ST8SIA1: variants seen among roughly 807,000 people sequenced by gnomAD.
The protein encoded by ST8SIA1 is ST8 alpha-N-acetyl-neuraminide alpha-2,8-sialyltransferase 1, also known as alpha-N-acetylneuraminide alpha-2,8-sialyltransferase.
A neutral mutation model predicts 35.9 loss-of-function variants in ST8SIA1; 16 were observed. The ratio of observed to expected loss-of-function variants is 0.45; its 90% CI spans 0.30 to 0.68. The LOEUF is 0.68. ST8SIA1 is among the 30% of genes least tolerant of loss of function. ST8SIA1 has a pLI of 0.09. For synonymous variants in ST8SIA1, 170 were observed against 169.6 expected, an observed-to-expected ratio of 1.00 and a Z score of -0.02; for missense variants, 383 against 453.6, an observed-to-expected ratio of 0.84 and a Z score of 1.41.
intron 3 of ST8SIA1, among the ~76,000 whole-genome samples, chr12:22,249,521 G>A (rs1172870400): frequency 6.6e-6 from 1 of 150,900 alleles, no homozygotes; most frequent in Non-Finnish European, 1.5e-5. Context: ...CACCCAGCCA[G>A]TAACTGTTTT....
intron 4 of ST8SIA1, among the ~76,000 whole-genome samples, chr12:22,225,343 C>T (rs1212985503): frequency 1.3e-5 from 2 of 151,916 alleles, no homozygotes; most frequent in Non-Finnish European, 2.9e-5. Context: ...AGGTCCAGAT[C>T]CTAATTATTA....
rs555886710 is a variant in ST8SIA1 at position 22,268,217 on chromosome 12, C to T, written c.382-12828G>A. Among the ~76,000 whole-genome samples, 326 of 152,328 alleles carry T rather than the reference C, an allele frequency of 2.1e-3. 1 individual carries two copies. The highest frequency in any genetic ancestry group is 2.1e-3 in the Non-Finnish European group (140 of 68,032). The stretch of plus-strand genomic sequence containing the variant: ...TGCCAAGAATCTATCTAAGCAAATG[C>T]AGCAAACCTGTTCCCTTTTTCAGAC... On this transcript the variant is annotated intron_variant, in intron 2 of 4. Transcript: ENST00000396037.
chr12:22,239,349 C>T (rs1281157045), intron 4 of ST8SIA1, among the ~76,000 whole-genome samples: 2 of 152,118 alleles, frequency 1.3e-5, no homozygotes, highest in East Asian at 3.8e-4. Context: ...TTCTATCGTC[C>T]ATGTTTCTTT....
At chr12:22,232,894 A>G (rs1865435429) in intron 4 of ST8SIA1, among the ~76,000 whole-genome samples, 1 of 152,202 alleles carries the variant, frequency 6.6e-6, no homozygotes, top group African/African-American at 2.4e-5. Flanking sequence ...AACAGCATTG[A>G]CTTGGAAACT....
intron 4 of ST8SIA1, among the ~76,000 whole-genome samples, chr12:22,244,772 C>T (rs1413799634): frequency 6.6e-6 from 1 of 152,144 alleles, no homozygotes; most frequent in African/African-American, 2.4e-5. Context: ...TAGGTCTTAA[C>T]CACCTGAAAA....
At chr12:22,291,463 T>C (rs945317307) in intron 1 of ST8SIA1, among the ~76,000 whole-genome samples, 4 of 152,258 alleles carry the variant, frequency 2.6e-5, no homozygotes, top group Non-Finnish European at 5.9e-5. Flanking sequence ...TGTAGCTATT[T>C]AGACTTAGCT....
Position 22,201,222 on chromosome 12 carries a change from T to C in ST8SIA1, c.*330A>G, listed in dbSNP as rs1591822034. The stretch of plus-strand genomic sequence containing the variant: ...AACATTTTCTTTGTTCTACCTTGAT[T>C]GGTTCCTCAGCCCTAACAACTCGAG... On this transcript the variant is annotated 3_prime_UTR_variant, in exon 5 of 5. Coordinates refer to ENST00000396037, the MANE Select transcript of ST8SIA1 (RefSeq NM_003034.4). 2 of 211,552 alleles carry C rather than the reference T, an allele frequency of 9.5e-6. No homozygotes were observed. Among genetic ancestry groups the C allele is most frequent in the East Asian group, 2.3e-4 (2 of 8,874 alleles). The allele number at this position is 211,552 out of a possible 1,614,324, so 13.1% of individuals were successfully genotyped here.
At chr12:22,333,807 G>A (rs564022443) in intron 1 of ST8SIA1, 190 bp downstream of exon 1, 2 of 767,178 alleles carry the variant, frequency 2.6e-6, no homozygotes, top group Admixed American at 3.4e-5. Flanking sequence ...CTGGGGATCA[G>A]GGGTGGGGAA....
intron 1 of ST8SIA1, among the ~76,000 whole-genome samples, chr12:22,296,723 A>G (rs1278130981): frequency 1.3e-5 from 2 of 152,190 alleles, no homozygotes; most frequent in Non-Finnish European, 2.9e-5. Flanking sequence ...TGAAGTTTAA[A>G]ACATATGTTT....
At chr12:22,249,220 GTT>G (rs878946392) in intron 3 of ST8SIA1, 122 bp from the exon 4 acceptor site, 15,808 of 433,202 alleles carry the variant, frequency 0.036, 385 homozygotes, top group African/African-American at 0.16. Flanking sequence ...TTTGTTTTTT[GTT>G]TTTTTTTTTT....
chr12:22,270,825 C>T (rs920576910), intron 2 of ST8SIA1, among the ~76,000 whole-genome samples: 1 of 152,008 alleles, frequency 6.6e-6, no homozygotes, highest in African/African-American at 2.4e-5. Context: ...AAGATAGGAA[C>T]AAAAAGAAAA....
At chr12:22,313,113 T>C (rs73087098) in intron 1 of ST8SIA1, among the ~76,000 whole-genome samples, 4,298 of 152,274 alleles carry the variant, frequency 0.028, 75 homozygotes, top group Middle Eastern at 0.044. Context: ...CTACTACATA[T>C]GAGACCTTGA....
chr12:22,310,654 TAAC>T (rs1184869939), intron 1 of ST8SIA1, among the ~76,000 whole-genome samples: 3 of 151,956 alleles, frequency 2.0e-5, no homozygotes, highest in Non-Finnish European at 4.4e-5. Flanking sequence ...AAAGAAACAA[TAAC>T]AACATAAAAG....
intron 1 of ST8SIA1, among the ~76,000 whole-genome samples, chr12:22,332,883 A>C (rs766478448): frequency 1.3e-5 from 2 of 152,238 alleles, no homozygotes; most frequent in Non-Finnish European, 2.9e-5. Flanking sequence ...AAGATCCTCT[A>C]CAGAGCAGAG....
intron 4 of ST8SIA1, among the ~76,000 whole-genome samples, chr12:22,217,471 T>A (rs2120652603): frequency 6.6e-6 from 1 of 152,306 alleles, no homozygotes; most frequent in Middle Eastern, 3.4e-3. Context: ...GTGTCTAATA[T>A]AGATGATGGT....
intron 4 of ST8SIA1, among the ~76,000 whole-genome samples, chr12:22,229,013 C>T (rs935101089): frequency 6.8e-6 from 1 of 146,198 alleles, no homozygotes; most frequent in African/African-American, 2.5e-5. Flanking sequence ...GAGATCGCAC[C>T]ACTGCACTCC....
At chr12:22,236,502 C>G (rs987834930) in intron 4 of ST8SIA1, among the ~76,000 whole-genome samples, 2 of 152,160 alleles carry the variant, frequency 1.3e-5, no homozygotes, top group African/African-American at 4.8e-5. Flanking sequence ...CTGAAGCACA[C>G]TTTAAAAAGA....
In ST8SIA1 at chr12:22,255,629, AT is replaced by A. The variant is rs550551716; in HGVS notation, c.382-241del. On this transcript the variant is annotated intron_variant, in intron 2 of 4. Coordinates refer to ENST00000396037, the MANE Select transcript of ST8SIA1 (RefSeq NM_003034.4). Reference sequence around the variant, plus strand: ...AGTGCATTTAAATATAACAACATTTATTTTTTTCCTCTCCAATTGGCCATGC... The same window carrying A: ...AGTGCATTTAAATATAACAACATTTATTTTTTCCTCTCCAATTGGCCATGC... Among the ~76,000 whole-genome samples the A allele has an allele frequency of 2.4e-3, 363 of 151,890 alleles. 2 individuals are homozygous for A. Among genetic ancestry groups the A allele is most frequent in the African/African-American group, 8.5e-3 (352 of 41,368 alleles).
chr12:22,287,691 A>G (rs1866119173), intron 1 of ST8SIA1, among the ~76,000 whole-genome samples: 1 of 152,176 alleles, frequency 6.6e-6, no homozygotes, highest in Non-Finnish European at 1.5e-5. Context: ...GTGCATCTCT[A>G]TCTTCATTAA....
Sources: gnomAD v4.1 joint callset for allele counts (sites outside exome capture counted in the v4.1 genomes callset) on GRCh38, gnomAD v4.1.1 for gene constraint, MANE v1.5 for transcripts, NCBI Gene and HGNC (gene_info 2026-07-23, HGNC 2026-07-21) for gene names.